DPH2: variants seen among roughly 807,000 people sequenced by gnomAD.
The protein encoded by DPH2 is 2-(3-amino-3-carboxypropyl)histidine synthase subunit 2.
A neutral mutation model predicts 42.5 loss-of-function variants in DPH2; 28 were observed. The ratio of observed to expected loss-of-function variants is 0.66; its 90% CI spans 0.49 to 0.90. DPH2 has a LOEUF of 0.90. DPH2 is among the 40% of genes least tolerant of loss of function. The pLI, the probability that DPH2 is intolerant of heterozygous loss-of-function variation, is 0.00. For synonymous variants in DPH2, 279 were observed against 264.4 expected, an observed-to-expected ratio of 1.06 and a Z score of -0.53; for missense variants, 576 against 636.0, an observed-to-expected ratio of 0.91 and a Z score of 1.01.
chr1:43,971,756 G>T lies in DPH2; in HGVS notation c.854G>T (p.Gly285Val). The change falls in exon 4 of 6, where the codon GGG (glycine) becomes GTG (valine). Residue 285 changes from glycine (G) to valine (V), a missense_variant. Coordinates refer to ENST00000255108, the MANE Select transcript of DPH2 (RefSeq NM_001384.5). ...VERARDARVV[G>V]LLAGTLGVAQ... is the part of the protein sequence containing the mutation. ...AGGGCCAGAGATGCCCGCGTGGTAG[G>T]GCTGCTGGCAGGCACACTGGGTGTA... 6.2e-7 allele frequency: 1 copy of T among 1,610,042 alleles called. No individual in the cohort carries two copies. The highest frequency in any genetic ancestry group is 1.1e-5 in the South Asian group (1 of 91,086).
chr1:43,971,399 C>G lies in DPH2; in HGVS notation c.497C>G (p.Thr166Ser), dbSNP rs368175329. 14 of 1,583,204 alleles carry G rather than the reference C, an allele frequency of 8.8e-6. No individual in the cohort carries two copies. In the African/African-American group the frequency reaches 1.2e-4, roughly 14 times the overall value. Reference sequence around the variant, plus strand: ...CCTTCTCTTCCAGAGGCTTTGGCTACTCTCCTGCGCCCACGGTACCTGGAC... The same window carrying G: ...CCTTCTCTTCCAGAGGCTTTGGCTAGTCTCCTGCGCCCACGGTACCTGGAC... ...ACAHALEALA[T>S]LLRPRYLDLL... The change falls in exon 4 of 6, where the codon ACT becomes AGT. Residue 166 changes from threonine (T) to serine (S), a missense_variant. By Grantham distance (58) the Thr-to-Ser change is moderately conservative. Transcript: ENST00000255108.
rs756482375 is a variant in DPH2, at chr1:43,972,554, G to A, written c.*15G>A. 6.2e-7 allele frequency: 1 copy of A among 1,614,080 alleles called. No homozygotes were observed. On this transcript the variant is annotated 3_prime_UTR_variant, in exon 6 of 6. Coordinates refer to ENST00000255108, the MANE Select transcript of DPH2 (RefSeq NM_001384.5). ...GAAGCGGCTGATACCATGTGGGGCT[G>A]GAGACATAGATGGACTTATGAATGG...
At position 43,971,073 on chromosome 1, in the gene DPH2, T is replaced by C; in HGVS notation, c.368T>C (p.Val123Ala). The C allele has an allele frequency of 1.3e-6, 2 of 1,568,928 alleles. No individual in the cohort carries two copies. The highest frequency in any genetic ancestry group is 1.7e-6 in the Non-Finnish European group (2 of 1,155,814). Residue 123 changes from valine to alanine, a missense_variant, in exon 3 of 6, where the codon GTG (valine) becomes GCG (alanine). This residue lies in a region of DPH2 where 395 missense variants were observed against 435.2 expected (regional missense o/e 0.91). Transcript: ENST00000255108. ...PPARPLPVAFVLRQRSVALEL... is the reference protein window; with the variant it reads ...PPARPLPVAFALRQRSVALEL... ...GCCCGCCCACTGCCCGTTGCCTTCGTGCTTCGTCAACGTTCTGTGGCCTTG... is the reference window on the plus strand; with the variant it reads ...GCCCGCCCACTGCCCGTTGCCTTCGCGCTTCGTCAACGTTCTGTGGCCTTG...
In DPH2 at chr1:43,971,439, C is replaced by A; in HGVS notation, c.537C>A (p.Ser179Arg). The part of the protein sequence containing the change: ...RPRYLDLLVS[S>R]PAFPQPVGSL... ...GGTACCTGGACCTGCTAGTCTCCAG[C>A]CCAGCTTTTCCCCAACCAGTGGGTT... Residue 179 changes from serine (S) to arginine (R), a missense_variant, in exon 4 of 6, where the codon AGC becomes AGA. This residue lies in a region of DPH2 where 395 missense variants were observed against 435.2 expected (regional missense o/e 0.91). Transcript: ENST00000255108. 1 of 1,611,636 alleles carries A rather than the reference C, an allele frequency of 6.2e-7. No individual in the cohort carries two copies. The highest frequency in any genetic ancestry group is 1.7e-5 in the Admixed American group (1 of 59,738).
In DPH2 at chr1:43,971,820, G is replaced by C. The variant is rs780262207; in HGVS notation, c.918G>C (p.Leu306=). ...AGGCACTGGCCCACTTGCGGAACCTGACTCAGGCTGCTGGCAAGCGTAGCT... is the reference window on the plus strand; with the variant it reads ...AGGCACTGGCCCACTTGCGGAACCTCACTCAGGCTGCTGGCAAGCGTAGCT... ...HREALAHLRN[L]TQAAGKRSYV... is the part of the protein sequence containing the mutation. The change falls in exon 4 of 6, where the codon CTG becomes CTC. Residue 306 remains leucine, a synonymous_variant. Coordinates refer to ENST00000255108, the MANE Select transcript of DPH2 (RefSeq NM_001384.5). 2 of 1,612,796 alleles carry C rather than the reference G, an allele frequency of 1.2e-6. No individual in the cohort carries two copies. Among genetic ancestry groups the C allele is most frequent in the Middle Eastern group, 1.6e-4 (1 of 6,062 alleles).
At chr1:43,971,329 A>G in intron 3 of DPH2, 58 bp from the exon 4 acceptor site, 2 of 1,536,416 alleles carry the variant, frequency 1.3e-6, no homozygotes, top group Non-Finnish European at 8.8e-7. Context: ...TCTCCTGGGG[A>G]TGAGGGAGCT....
rs1265753808 is a variant in DPH2 at position 43,972,805 on chromosome 1, T to C, written c.*266T>C. 2.3e-6 allele frequency: 1 copy of C among 441,712 alleles called. No homozygotes were observed. Among genetic ancestry groups the C allele is most frequent in the Non-Finnish European group, 4.1e-6 (1 of 246,306 alleles). 27.4% of individuals were successfully genotyped at this position (441,712 alleles called of 1,614,324 possible). ...CTGAGGCCTCTGGACCCATCTGTCTTCCTGAGGGCAGCCCAGGACCTTTGG... is the reference window on the plus strand; with the variant it reads ...CTGAGGCCTCTGGACCCATCTGTCTCCCTGAGGGCAGCCCAGGACCTTTGG... On this transcript the variant is annotated 3_prime_UTR_variant, in exon 6 of 6. Transcript: ENST00000255108.
In DPH2 at chr1:43,970,623, T is replaced by C. The variant is rs377624927; in HGVS notation, c.175T>C (p.Leu59=). The C allele has an allele frequency of 5.1e-5, 82 of 1,614,148 alleles. No homozygotes were observed. The Middle Eastern group carries it at 8.2e-4, about 16-fold the overall frequency. The change falls in exon 2 of 6, where the codon TTG becomes CTG. Residue 59 remains leucine, a synonymous_variant. Transcript: ENST00000255108. The part of the protein sequence containing the change: ...RVALQFPDQL[L]GDAVAVAARL... ...TGCCTTGCAGTTCCCTGACCAGCTA[T>C]TGGGAGATGCTGTGGCTGTGGCTGC...
chr1:43,970,945 C>T lies in DPH2; in HGVS notation c.261-21C>T, dbSNP rs980260780. On this transcript the variant is annotated intron_variant, in intron 2 of 5. Transcript: ENST00000255108. ...CGCCTCCAGAAGAGAACCCATTTCTCTGATGCTATCTTCCCTGCAGCTGCT... is the reference window on the plus strand; with the variant it reads ...CGCCTCCAGAAGAGAACCCATTTCTTTGATGCTATCTTCCCTGCAGCTGCT... 3.2e-6 allele frequency: 5 copies of T among 1,563,224 alleles called. No individual in the cohort carries two copies. The Admixed American group carries it at 7.7e-5, about 24-fold the overall frequency.
rs778023883 is a variant in DPH2 at position 43,972,557 on chromosome 1, G to A, written c.*18G>A. On this transcript the variant is annotated 3_prime_UTR_variant, in exon 6 of 6. Coordinates refer to ENST00000255108, the MANE Select transcript of DPH2 (RefSeq NM_001384.5). ...GCGGCTGATACCATGTGGGGCTGGA[G>A]ACATAGATGGACTTATGAATGGCTG... 1.9e-6 allele frequency: 3 copies of A among 1,613,868 alleles called. No homozygotes were observed. Among genetic ancestry groups the A allele is most frequent in the African/African-American group, 1.3e-5 (1 of 74,922 alleles).
intron 4 of DPH2, 40 bp downstream of exon 4, chr1:43,972,110 C>T: frequency 6.2e-7 from 1 of 1,609,000 alleles, no homozygotes; most frequent in Non-Finnish European, 8.5e-7. Flanking sequence ...AAACCTGGGG[C>T]ACGGAGTCAG....
chr1:43,970,045 T>C lies in DPH2; in HGVS notation c.-131T>C, dbSNP rs1442469111. On this transcript the variant is annotated 5_prime_UTR_variant, in exon 1 of 6. Coordinates refer to ENST00000255108, the MANE Select transcript of DPH2 (RefSeq NM_001384.5). ...ATGGCTGAAGGGGATACTCACCGGC[T>C]GAAGGCCGACTGTGATTCCCCCTAC... is the stretch of plus-strand genomic sequence containing the variant. 9.4e-7 allele frequency: 1 copy of C among 1,069,236 alleles called. No individual in the cohort carries two copies. Among genetic ancestry groups the C allele is most frequent in the Non-Finnish European group, 1.3e-6 (1 of 754,224 alleles). 66.2% of individuals were successfully genotyped at this position (1,069,236 alleles called of 1,614,324 possible).
intron 3 of DPH2, 88 bp from the exon 4 acceptor site, chr1:43,971,299 G>T: frequency 6.5e-7 from 1 of 1,532,810 alleles, no homozygotes. Context: ...CTTGGCCCCA[G>T]CCTACTGGGT....
At position 43,972,545 on chromosome 1, in the gene DPH2, T is replaced by C; in HGVS notation, c.*6T>C. ...AGGATGAGGGAAGCGGCTGATACCA[T>C]GTGGGGCTGGAGACATAGATGGACT... On this transcript the variant is annotated 3_prime_UTR_variant, in exon 6 of 6. Coordinates refer to ENST00000255108, the MANE Select transcript of DPH2 (RefSeq NM_001384.5). The C allele has an allele frequency of 1.2e-6, 2 of 1,614,162 alleles. No individual in the cohort carries two copies. Among genetic ancestry groups the C allele is most frequent in the Non-Finnish European group, 8.5e-7 (1 of 1,180,014 alleles).
intron 1 of DPH2, 87 bp downstream of exon 1, chr1:43,970,409 G>A (rs1223762390): frequency 1.3e-6 from 2 of 1,566,344 alleles, no homozygotes; most frequent in Non-Finnish European, 1.7e-6. Flanking sequence ...TTGTGAGGGC[G>A]AGAGGGTGGG....
At position 43,972,404 on chromosome 1, in the gene DPH2, T is replaced by A; in HGVS notation, c.1346-11T>A. On this transcript the variant is annotated splice_polypyrimidine_tract_variant and intron_variant, in intron 5 of 5. Coordinates refer to ENST00000255108, the MANE Select transcript of DPH2 (RefSeq NM_001384.5). ...TGCAGCGCACTCAGACTGAGCCCCC[T>A]CCCTCTACAGCCTCATTCCTTAGTT... is the stretch of plus-strand genomic sequence containing the variant. 1 of 1,614,094 alleles carries A rather than the reference T, an allele frequency of 6.2e-7. No individual in the cohort carries two copies. The highest frequency in any genetic ancestry group is 8.5e-7 in the Non-Finnish European group (1 of 1,179,994).
In DPH2 at chr1:43,972,844, C is replaced by T. The variant is rs1051843792; in HGVS notation, c.*305C>T. On this transcript the variant is annotated 3_prime_UTR_variant, in exon 6 of 6. Transcript: ENST00000255108. ...CAGGACCTTTGGCCAATCCCAGTTC[C>T]CAGGCTGCAGTTGAGGGTCTGTCCT... 7 of 331,270 alleles carry T rather than the reference C, an allele frequency of 2.1e-5. No homozygotes were observed. The highest frequency in any genetic ancestry group is 3.4e-5 in the Non-Finnish European group (6 of 176,782). The allele number at this position is 331,270 out of a possible 1,614,324, so 20.5% of individuals were successfully genotyped here. A position where few individuals can be genotyped will look rare whatever the true frequency, so the allele number is the denominator to read the frequency against.
Position 43,971,715 on chromosome 1 carries a change from AC to A in DPH2, c.814del (p.Arg272AspfsTer4). On this transcript the variant is annotated frameshift_variant, in exon 4 of 6. Coordinates refer to ENST00000255108, the MANE Select transcript of DPH2 (RefSeq NM_001384.5). LOFTEE classifies it high-confidence loss of function. ...GGGCTGGACGGCTAAGGGCACGAAGACGATATCTGGTAGAGAGGGCCAGAGA... is the reference window on the plus strand; with the variant it reads ...GGGCTGGACGGCTAAGGGCACGAAGAGATATCTGGTAGAGAGGGCCAGAGA... ...ARAGRLRARR[R>X]YLVERARDAR... 5 of 1,612,764 alleles carry A rather than the reference AC, an allele frequency of 3.1e-6. No homozygotes were observed. The highest frequency in any genetic ancestry group is 4.2e-6 in the Non-Finnish European group (5 of 1,179,956).
In DPH2 at chr1:43,970,119, G is replaced by T. The variant is rs1185030997; in HGVS notation, c.-57G>T. 8.2e-6 allele frequency: 13 copies of T among 1,589,400 alleles called. No individual in the cohort carries two copies. The highest frequency in any genetic ancestry group is 1.0e-5 in the Non-Finnish European group (12 of 1,168,116). ...CTGAGGGCTGCTCTAGAGGACTCAG[G>T]CCCCGAAGCTGTCCCAGGGAGGTCC... On this transcript the variant is annotated 5_prime_UTR_variant, in exon 1 of 6. Transcript: ENST00000255108.
Sources: allele counts gnomAD v4.1 joint callset, GRCh38; gene constraint gnomAD v4.1.1; regional missense constraint gnomAD v4.1.1; transcripts MANE v1.5; gene names NCBI Gene and HGNC (gene_info 2026-07-23, HGNC 2026-07-21).